FBXW7: variants seen among roughly 807,000 people sequenced by gnomAD.
FBXW7 encodes the protein F-box and WD repeat domain containing 7, also known as F-box/WD repeat-containing protein 7.
In FBXW7, 11 loss-of-function variants were observed where a neutral mutation model predicts 86.3. The observed-to-expected ratio is 0.13, with a 90% confidence interval of 0.08 to 0.21. FBXW7 has a LOEUF of 0.21. Ranked by LOEUF, FBXW7 falls within the 10% of genes least tolerant of loss-of-function variation. FBXW7 has a pLI of 1.00. For synonymous variants in FBXW7, 313 were observed against 297.9 expected, an observed-to-expected ratio of 1.05 and a Z score of -0.52; for missense variants, 488 against 847.4, an observed-to-expected ratio of 0.58 and a Z score of 5.27.
intron 2 of FBXW7, among the ~76,000 whole-genome samples, chr4:152,444,397 G>C (rs1454477975): frequency 6.6e-6 from 1 of 151,658 alleles, no homozygotes; most frequent in African/African-American, 2.4e-5. Context: ...AGATGATAAT[G>C]GTACGAACAT....
intron 4 of FBXW7, 89 bp from the exon 5 acceptor site, chr4:152,350,213 A>C (rs889517142): frequency 3.3e-6 from 2 of 601,414 alleles, no homozygotes; most frequent in Non-Finnish European, 2.9e-6. Flanking sequence ...TAAATTCTTA[A>C]ATTTTCATAT....
chr4:152,396,956 C>G (rs1419047097), intron 4 of FBXW7, among the ~76,000 whole-genome samples: 1 of 151,922 alleles, frequency 6.6e-6, no homozygotes, highest in Non-Finnish European at 1.5e-5. Flanking sequence ...AAAGTTTTGT[C>G]ACTCCATTAT....
intron 2 of FBXW7, among the ~76,000 whole-genome samples, chr4:152,422,085 TA>T (rs937694294): frequency 5.3e-5 from 8 of 150,008 alleles, no homozygotes; most frequent in Admixed American, 4.0e-4. Context: ...TCAATTTGTT[TA>T]AAAAAAAAAT....
In FBXW7 at chr4:152,423,665, T is replaced by C. The variant is rs112387231; in HGVS notation, c.-119-11136A>G. On this transcript the variant is annotated intron_variant, in intron 2 of 13. Transcript: ENST00000281708. ...AGCAATGAGAATGAGAATGACAAAC[T>C]GCAGCTAACAATATAGACAAATTTT... 6.8e-4 allele frequency among the ~76,000 whole-genome samples: 104 copies of C among 152,292 alleles called. 1 individual carries two copies. Among genetic ancestry groups the C allele is most frequent in the African/African-American group, 2.4e-3 (98 of 41,560 alleles).
Position 152,536,017 on chromosome 4 carries a change from GC to G in FBXW7, c.-1104del. 4.5e-6 allele frequency: 1 copy of G among 223,406 alleles called. No homozygotes were observed. The highest frequency in any genetic ancestry group is 8.7e-6 in the Non-Finnish European group (1 of 114,692). The allele number at this position is 223,406 out of a possible 1,614,324, so 13.8% of individuals were successfully genotyped here. ...AGTCTCAGCGGCGGCGGCGGCGGCA[GC>G]GGCAGCGGCAGCGCCCGGAGCTCAG... On this transcript the variant is annotated 5_prime_UTR_variant, in exon 1 of 14. Transcript: ENST00000281708.
chr4:152,324,883 T>C (rs1728873286), intron 12 of FBXW7: 1 of 153,060 alleles, frequency 6.5e-6, no homozygotes, highest in Non-Finnish European at 1.5e-5. Flanking sequence ...TTAAAAACTG[T>C]GTGTAAAATA....
chr4:152,326,334 C>CATT, intron 11 of FBXW7, 103 bp from the exon 12 acceptor site: 1 of 548,988 alleles, frequency 1.8e-6, no homozygotes, highest in Non-Finnish European at 3.1e-6. Context: ...GGTTTTTTAG[C>CATT]TTTTTTTTTT....
chr4:152,399,644 A>G lies in FBXW7; in HGVS notation c.501+11659T>C, dbSNP rs549427954. On this transcript the variant is annotated intron_variant, in intron 4 of 13. Transcript: ENST00000281708. ...AAGATTAATATATAATAAGTCAATT[A>G]TTTTCCTACACACCAGCAATGAAAA... Among the ~76,000 whole-genome samples the G allele has an allele frequency of 2.0e-5, 3 of 152,302 alleles. No individual in the cohort carries two copies. The East Asian group carries it at 5.8e-4, about 29-fold the overall frequency.
chr4:152,353,216 T>G (rs2126667798), intron 4 of FBXW7, among the ~76,000 whole-genome samples: 1 of 152,308 alleles, frequency 6.6e-6, no homozygotes, highest in African/African-American at 2.4e-5. Context: ...ACCGTAGTCC[T>G]GGCACAGACT....
Position 152,324,409 on chromosome 4 carries a change from G to A in FBXW7, c.1645-15C>T, listed in dbSNP as rs779134112. 1 of 1,553,686 alleles carries A rather than the reference G, an allele frequency of 6.4e-7. No individual in the cohort carries two copies. The highest frequency in any genetic ancestry group is 8.8e-7 in the Non-Finnish European group (1 of 1,142,442). On this transcript the variant is annotated splice_polypyrimidine_tract_variant and intron_variant, in intron 12 of 13. Transcript: ENST00000281708. ...ATACCATCAAACTACAAAAGACACA[G>A]TTTATTAGAATAGAAGTATGGATAC...
intron 2 of FBXW7, among the ~76,000 whole-genome samples, chr4:152,465,353 A>T (rs971434844): frequency 6.6e-6 from 1 of 152,200 alleles, no homozygotes; most frequent in Non-Finnish European, 1.5e-5. Flanking sequence ...ATTCAGCCAT[A>T]AATAGGTCAC....
chr4:152,358,478 T>C (rs1382650609), intron 4 of FBXW7, among the ~76,000 whole-genome samples: 1 of 146,910 alleles, frequency 6.8e-6, no homozygotes, highest in Admixed American at 6.8e-5. Context: ...TGATTAGTCA[T>C]GATAAAAAAG....
At chr4:152,516,996 T>A (rs886925079) in intron 2 of FBXW7, among the ~76,000 whole-genome samples, 4 of 152,160 alleles carry the variant, frequency 2.6e-5, no homozygotes, top group African/African-American at 9.7e-5. Context: ...CAGCTAATTT[T>A]TGTATGTTCA....
intron 4 of FBXW7, among the ~76,000 whole-genome samples, chr4:152,389,635 A>T (rs1735832918): frequency 6.6e-6 from 1 of 152,046 alleles, no homozygotes; most frequent in Non-Finnish European, 1.5e-5. Flanking sequence ...ATGCTGAGAG[A>T]TGAGAAATCA....
chr4:152,476,165 A>T (rs1213604988), intron 2 of FBXW7, among the ~76,000 whole-genome samples: 1 of 152,186 alleles, frequency 6.6e-6, no homozygotes, highest in Non-Finnish European at 1.5e-5. Context: ...AATCCAGCAA[A>T]ATATACTTAC....
At chr4:152,392,955 C>A (rs995649351) in intron 4 of FBXW7, among the ~76,000 whole-genome samples, 1 of 152,000 alleles carries the variant, frequency 6.6e-6, no homozygotes, top group Admixed American at 6.6e-5. Context: ...GATGTTATGA[C>A]CAAGAAAGGA....
chr4:152,413,863 A>G (rs1176161557), intron 2 of FBXW7, among the ~76,000 whole-genome samples: 3 of 152,170 alleles, frequency 2.0e-5, no homozygotes, highest in Non-Finnish European at 4.4e-5. Flanking sequence ...AAACATATTA[A>G]AACAGTGATT....
At chr4:152,532,738 G>T (rs898067005) in intron 2 of FBXW7, among the ~76,000 whole-genome samples, 2 of 152,190 alleles carry the variant, frequency 1.3e-5, no homozygotes, top group African/African-American at 4.8e-5. Flanking sequence ...CTAACATCCA[G>T]TGCGGTCTTA....
At position 152,389,273 on chromosome 4, in the gene FBXW7, C is replaced by T. The variant is rs571869350; in HGVS notation, c.501+22030G>A. ...AGAACTATCATTTGATCCAGCAATC[C>T]CACTACTGGGCATCTACCCAAAAGA... On this transcript the variant is annotated intron_variant, in intron 4 of 13. Coordinates refer to ENST00000281708, the MANE Select transcript of FBXW7 (RefSeq NM_001349798.2). Among the ~76,000 whole-genome samples the T allele has an allele frequency of 7.9e-5, 12 of 152,008 alleles. No individual in the cohort carries two copies. The East Asian group carries it at 1.4e-3, about 17-fold the overall frequency.
Sources: allele counts gnomAD v4.1 joint callset (sites outside exome capture counted in the v4.1 genomes callset), GRCh38; gene constraint gnomAD v4.1.1; transcripts MANE v1.5; gene names NCBI Gene and HGNC (gene_info 2026-07-23, HGNC 2026-07-21).